Variants in SLC15A1 observed in about 807,000 individuals in gnomAD.
SLC15A1 encodes the protein solute carrier family 15 member 1, also known as Caco-2 oligopeptide transporter.
In SLC15A1, 83 loss-of-function variants were observed where a neutral mutation model predicts 92.9. That is an observed-to-expected ratio of 0.89 (90% CI 0.75 to 1.07). The LOEUF is 1.07. Among genes scored for constraint, SLC15A1 ranks in the 50% least tolerant of loss-of-function variants. The pLI, the probability that SLC15A1 is intolerant of heterozygous loss-of-function variation, is 0.00. For missense variants in SLC15A1, 857 were observed against 880.1 expected (o/e 0.97, Z 0.33); for synonymous variants, 322 against 318.2 (o/e 1.01, Z -0.13).
chr13:98,704,455 G>A lies in SLC15A1; in HGVS notation c.1270-20C>T. 6.3e-7 allele frequency: 1 copy of A among 1,594,898 alleles called. No homozygotes were observed. Among genetic ancestry groups the A allele is most frequent in the Non-Finnish European group, 8.6e-7 (1 of 1,168,598 alleles). On this transcript the variant is annotated intron_variant, in intron 16 of 22. Coordinates refer to ENST00000376503, the MANE Select transcript of SLC15A1 (RefSeq NM_005073.4). The stretch of plus-strand genomic sequence containing the variant: ...ATTTGTCTATAGAGGGAGGGAAAGA[G>A]GCATAGTTAATATCACAGAGTCTCG...
chr13:98,696,972 A>G (rs2088026485), intron 18 of SLC15A1, among the ~76,000 whole-genome samples: 1 of 152,186 alleles, frequency 6.6e-6, no homozygotes, highest in Admixed American at 6.5e-5. Context: ...CAAGCCGAGG[A>G]GACAGGCCTC....
intron 11 of SLC15A1, among the ~76,000 whole-genome samples, chr13:98,710,679 G>A (rs1428410598): frequency 6.6e-6 from 1 of 151,890 alleles, no homozygotes; most frequent in African/African-American, 2.4e-5. Context: ...GTGGTGGCAG[G>A]TGCCTGTCAT....
At chr13:98,715,811 A>C in intron 9 of SLC15A1, 67 bp downstream of exon 9, 1 of 1,294,942 alleles carries the variant, frequency 7.7e-7, no homozygotes, top group Non-Finnish European at 1.1e-6. Context: ...TTAAATTTTA[A>C]TTTAAAGAAA....
intron 2 of SLC15A1, 44 bp from the exon 3 acceptor site, chr13:98,726,493 C>A (rs781544217): frequency 1.9e-6 from 3 of 1,563,246 alleles, no homozygotes; most frequent in Non-Finnish European, 2.6e-6. Context: ...ACACCCCCCA[C>A]TGGTCCATAG....
At chr13:98,742,547 G>A (rs1180690698) in intron 1 of SLC15A1, among the ~76,000 whole-genome samples, 1 of 152,162 alleles carries the variant, frequency 6.6e-6, no homozygotes, top group Non-Finnish European at 1.5e-5. Flanking sequence ...TGGAAATGTG[G>A]CCTTTCACAG....
intron 18 of SLC15A1, 96 bp downstream of exon 18, chr13:98,702,384 T>G: frequency 3.4e-6 from 3 of 888,384 alleles, no homozygotes; most frequent in Non-Finnish European, 5.7e-6. Context: ...CCCTATAATC[T>G]CATTTTATAT....
intron 1 of SLC15A1, among the ~76,000 whole-genome samples, chr13:98,735,934 T>G (rs2088390213): frequency 6.6e-6 from 1 of 152,154 alleles, no homozygotes; most frequent in Admixed American, 6.5e-5. Flanking sequence ...ATTTATAGAT[T>G]CAATGCCATC....
chr13:98,741,257 G>T (rs1489283948), intron 1 of SLC15A1, among the ~76,000 whole-genome samples: 3 of 152,206 alleles, frequency 2.0e-5, no homozygotes, highest in Non-Finnish European at 4.4e-5. Context: ...TGCTGGGACC[G>T]CCATGAAGGC....
At chr13:98,736,233 A>C (rs1463723480) in intron 1 of SLC15A1, among the ~76,000 whole-genome samples, 81 of 152,324 alleles carry the variant, frequency 5.3e-4, no homozygotes, top group Middle Eastern at 3.4e-3. Flanking sequence ...CAAAAACAAG[A>C]AAGGGGAAAG....
At chr13:98,751,991 C>G in intron 1 of SLC15A1, among the ~76,000 whole-genome samples, 1 of 152,206 alleles carries the variant, frequency 6.6e-6, no homozygotes, top group Non-Finnish European at 1.5e-5. Flanking sequence ...GGAAGCGGGG[C>G]AGGAGTCAAG....
chr13:98,708,814 G>T, intron 14 of SLC15A1, 47 bp from the exon 15 acceptor site: 2 of 1,465,520 alleles, frequency 1.4e-6, no homozygotes, highest in Non-Finnish European at 1.9e-6. Context: ...TCACATAGAT[G>T]AGCTAAGCTA....
intron 17 of SLC15A1, 104 bp downstream of exon 17, chr13:98,704,185 C>T (rs1323114427): frequency 2.0e-6 from 2 of 1,023,970 alleles, no homozygotes; most frequent in East Asian, 5.7e-5. Flanking sequence ...TGAGGATGAT[C>T]TAATATAACA....
chr13:98,686,466 C>A (rs1195845100), intron 21 of SLC15A1, among the ~76,000 whole-genome samples, 169 bp from the exon 22 acceptor site: 1 of 152,218 alleles, frequency 6.6e-6, no homozygotes, highest in African/African-American at 2.4e-5. Context: ...GACACCCAAA[C>A]ATGCACAGAC....
At chr13:98,736,702 C>T (rs2088397075) in intron 1 of SLC15A1, among the ~76,000 whole-genome samples, 1 of 152,158 alleles carries the variant, frequency 6.6e-6, no homozygotes, top group Non-Finnish European at 1.5e-5. Context: ...AGACACTTCT[C>T]AAAAGAAGAC....
At chr13:98,692,959 G>A (rs1313210515) in intron 18 of SLC15A1, among the ~76,000 whole-genome samples, 4 of 151,884 alleles carry the variant, frequency 2.6e-5, no homozygotes, top group Non-Finnish European at 2.9e-5. Flanking sequence ...GGCTGGTCTT[G>A]AAATCCTGGG....
chr13:98,707,921 A>G (rs12876638), intron 15 of SLC15A1, among the ~76,000 whole-genome samples: 4 of 141,454 alleles, frequency 2.8e-5, no homozygotes, highest in Non-Finnish European at 6.0e-5. Context: ...AAAAAAAAAA[A>G]GAATACGGTA....
At chr13:98,750,336 C>T (rs1332068377) in intron 1 of SLC15A1, among the ~76,000 whole-genome samples, 1 of 152,132 alleles carries the variant, frequency 6.6e-6, no homozygotes, top group African/African-American at 2.4e-5. Flanking sequence ...TGATCTTGAT[C>T]TCTTGAACTT....
At chr13:98,728,172 T>C (rs554077662) in intron 1 of SLC15A1, among the ~76,000 whole-genome samples, 5 of 152,358 alleles carry the variant, frequency 3.3e-5, no homozygotes, top group South Asian at 4.1e-4. Flanking sequence ...GAGTTGGCTA[T>C]AAATGGATGC....
rs749713279 is a variant in SLC15A1, at chr13:98,721,289, C to T, written c.556+206G>A. 3.6e-5 allele frequency: 25 copies of T among 686,544 alleles called. No homozygotes were observed. In the South Asian group the frequency reaches 3.8e-4, roughly 10 times the overall value. The allele number at this position is 686,544 out of a possible 1,614,324, so 42.5% of individuals were successfully genotyped here. On this transcript the variant is annotated intron_variant, in intron 7 of 22. Transcript: ENST00000376503. ...AGGATGGCTTAGACTCTCCAGTGGTCACTGGGATAAGGGATTTAAATAAGA... is the reference window on the plus strand; with the variant it reads ...AGGATGGCTTAGACTCTCCAGTGGTTACTGGGATAAGGGATTTAAATAAGA...
Sources: allele counts gnomAD v4.1 joint callset (sites outside exome capture counted in the v4.1 genomes callset), GRCh38; gene constraint gnomAD v4.1.1; transcripts MANE v1.5; gene names NCBI Gene and HGNC (gene_info 2026-07-23, HGNC 2026-07-21).